CDH12: variants seen among roughly 807,000 people sequenced by gnomAD.
CDH12 encodes cadherin 12.
A neutral mutation model predicts 74.1 loss-of-function variants in CDH12; 41 were observed. The ratio of observed to expected loss-of-function variants is 0.55; its 90% CI spans 0.43 to 0.72. The LOEUF (loss-of-function observed/expected upper bound fraction) is 0.72, where lower values mean the gene tolerates loss of function less well. Among genes scored for constraint, CDH12 ranks in the 30% least tolerant of loss-of-function variants. The probability of loss-of-function intolerance (pLI) is 0.00; values close to 1 mark genes in which losing one functional copy is unlikely to be tolerated. For synonymous variants in CDH12, 399 were observed against 355.0 expected (o/e 1.12, Z -1.39); for missense variants, 945 against 977.2 (o/e 0.97, Z 0.44).
chr5:22,571,595 G>A (rs1352863900), intron 1 of CDH12, among the ~76,000 whole-genome samples: 1 of 152,198 alleles, frequency 6.6e-6, no homozygotes, highest in Non-Finnish European at 1.5e-5. Context: ...CCAAAGTGCT[G>A]GGATTACAGG....
intron 5 of CDH12, among the ~76,000 whole-genome samples, chr5:22,022,461 G>C (rs954331598): frequency 6.6e-6 from 1 of 152,050 alleles, no homozygotes; most frequent in Admixed American, 6.6e-5. Context: ...TATAGCTTGT[G>C]GAACTGTGAG....
At chr5:22,178,782 T>C (rs1749476367) in intron 4 of CDH12, among the ~76,000 whole-genome samples, 1 of 152,244 alleles carries the variant, frequency 6.6e-6, no homozygotes, top group African/African-American at 2.4e-5. Flanking sequence ...ATAATAGACA[T>C]GAAAATGTTG....
At chr5:22,848,103 T>G (rs555312417) in intron 1 of CDH12, among the ~76,000 whole-genome samples, 2 of 152,146 alleles carry the variant, frequency 1.3e-5, no homozygotes, top group African/African-American at 4.8e-5. Flanking sequence ...CAAGTCTCTA[T>G]AAAACAAAAT....
At chr5:21,974,441 T>C (rs1028013357) in intron 6 of CDH12, among the ~76,000 whole-genome samples, 19 of 152,136 alleles carry the variant, frequency 1.2e-4, no homozygotes, top group African/African-American at 4.1e-4. Flanking sequence ...TGTATATTTA[T>C]ATCAAATTTA....
At chr5:21,859,847 G>A (rs942004473) in intron 6 of CDH12, among the ~76,000 whole-genome samples, 1 of 151,956 alleles carries the variant, frequency 6.6e-6, no homozygotes, top group Non-Finnish European at 1.5e-5. Context: ...ACTACTTCAC[G>A]ATGGAGGTAA....
rs73053981 is a variant in CDH12, at chr5:22,283,840, A to G, written c.-332-71197T>C. ...AATTAGCTTGATTTAATCATTTCAC[A>G]ATGTATGTGTATATTAAAACATCAC... On this transcript the variant is annotated intron_variant, in intron 3 of 14. Coordinates refer to ENST00000382254, the MANE Select transcript of CDH12 (RefSeq NM_004061.5). Among the ~76,000 whole-genome samples, 752 of 152,236 alleles carry G rather than the reference A, an allele frequency of 4.9e-3. 9 individuals carry two copies. The highest frequency in any genetic ancestry group is 0.017 in the African/African-American group (717 of 41,558).
intron 2 of CDH12, among the ~76,000 whole-genome samples, chr5:22,498,737 A>G (rs927619211): frequency 6.6e-6 from 1 of 151,862 alleles, no homozygotes; most frequent in Non-Finnish European, 1.5e-5. Flanking sequence ...TAATTGTATA[A>G]GTTTACAGGG....
chr5:22,252,462 CA>C (rs1753169368), intron 3 of CDH12, among the ~76,000 whole-genome samples: 1 of 151,590 alleles, frequency 6.6e-6, no homozygotes, highest in Non-Finnish European at 1.5e-5. Context: ...AATTTCTGTT[CA>C]GATTTTTTGT....
intron 5 of CDH12, among the ~76,000 whole-genome samples, chr5:22,040,960 C>A (rs1012498460): frequency 5.9e-5 from 9 of 152,008 alleles, no homozygotes; most frequent in Non-Finnish European, 1.0e-4. Context: ...CATACACACA[C>A]ACTATTATGA....
intron 1 of CDH12, among the ~76,000 whole-genome samples, chr5:22,527,297 T>G (rs1196975612): frequency 6.6e-6 from 1 of 152,156 alleles, no homozygotes; most frequent in Non-Finnish European, 1.5e-5. Flanking sequence ...AACTGGCTTA[T>G]GTTTGGGAAT....
At chr5:22,112,291 C>G (rs1249686764) in intron 4 of CDH12, among the ~76,000 whole-genome samples, 1 of 152,084 alleles carries the variant, frequency 6.6e-6, no homozygotes, top group East Asian at 1.9e-4. Flanking sequence ...ATTTCAAACT[C>G]TCTAATTTTC....
At chr5:22,398,967 A>G (rs1270477913) in intron 3 of CDH12, among the ~76,000 whole-genome samples, 1 of 152,104 alleles carries the variant, frequency 6.6e-6, no homozygotes, top group Non-Finnish European at 1.5e-5. Flanking sequence ...GGACTGAGGT[A>G]TGGGCAAATA....
chr5:22,509,530 C>G (rs557092428), intron 1 of CDH12, among the ~76,000 whole-genome samples: 3 of 152,052 alleles, frequency 2.0e-5, no homozygotes, highest in East Asian at 1.9e-4. Flanking sequence ...AACTGATGAT[C>G]CAGGAAATTT....
At chr5:22,831,899 C>G (rs558805874) in intron 1 of CDH12, among the ~76,000 whole-genome samples, 2 of 150,942 alleles carry the variant, frequency 1.3e-5, no homozygotes, top group Non-Finnish European at 3.0e-5. Context: ...TCTGTCCCCC[C>G]CAAAAAAAAA....
At chr5:21,815,098 TA>T in intron 9 of CDH12, among the ~76,000 whole-genome samples, 1 of 152,274 alleles carries the variant, frequency 6.6e-6, no homozygotes, top group East Asian at 1.9e-4. Context: ...AAAAATATGA[TA>T]ATCTATTTGA....
At chr5:22,625,356 G>T in intron 1 of CDH12, among the ~76,000 whole-genome samples, 1 of 152,078 alleles carries the variant, frequency 6.6e-6, no homozygotes, top group East Asian at 1.9e-4. Flanking sequence ...AAAAAAGAAA[G>T]AGGCAAGTTG....
intron 1 of CDH12, among the ~76,000 whole-genome samples, chr5:22,639,432 C>CT (rs10706075): frequency 0.01 from 1,163 of 115,562 alleles, 7 homozygotes; most frequent in Non-Finnish European, 0.013. Context: ...TTTTCTTCTT[C>CT]TTTTTTTTTT....
At chr5:22,079,966 A>G (rs1580216695) in intron 4 of CDH12, among the ~76,000 whole-genome samples, 1 of 152,072 alleles carries the variant, frequency 6.6e-6, no homozygotes, top group East Asian at 1.9e-4. Flanking sequence ...GTTGTAGGTG[A>G]TAATTGCACT....
intron 1 of CDH12, among the ~76,000 whole-genome samples, chr5:22,668,466 C>G (rs899333693): frequency 1.6e-4 from 25 of 152,058 alleles, no homozygotes; most frequent in African/African-American, 6.0e-4. Flanking sequence ...ATTTATTTCT[C>G]ATAATTATGG....
Sources: allele counts gnomAD v4.1 joint callset (sites outside exome capture counted in the v4.1 genomes callset), GRCh38; gene constraint gnomAD v4.1.1; transcripts MANE v1.5; gene names NCBI Gene and HGNC (gene_info 2026-07-23, HGNC 2026-07-21).